TSBP1: variants seen among roughly 807,000 people sequenced by gnomAD.
TSBP1 encodes testis expressed basic protein 1.
In TSBP1, 56 loss-of-function variants were observed where a neutral mutation model predicts 68.8. The ratio of observed to expected loss-of-function variants is 0.81; its 90% CI spans 0.66 to 1.02. The LOEUF is 1.02. Ranked by LOEUF, TSBP1 falls within the 50% of genes least tolerant of loss-of-function variation. The pLI is 0.00. For missense variants in TSBP1, 502 were observed against 641.2 expected (o/e 0.78, Z 2.34); for synonymous variants, 171 against 208.7 (o/e 0.82, Z 1.56).
At chr6:32,327,097 T>A (rs1768306478) in intron 16 of TSBP1, among the ~76,000 whole-genome samples, 1 of 152,232 alleles carries the variant, frequency 6.6e-6, no homozygotes. Context: ...CTCTCTATTT[T>A]GGGTTTGGTA....
At chr6:32,368,841 T>G (rs756588512) in intron 2 of TSBP1, 27 bp from the exon 3 acceptor site, 2 of 1,584,234 alleles carry the variant, frequency 1.3e-6, no homozygotes, top group Admixed American at 3.4e-5. Flanking sequence ...CAAAATGTTT[T>G]TATTAGTTAC....
rs765869085 is a variant in TSBP1, at chr6:32,293,968, T to C, written c.705A>G (p.Lys235=). Residue 235 remains lysine (K), a synonymous_variant, in exon 23 of 23, where the codon AAA becomes AAG. Transcript: ENST00000612031. ...TCTGAGACCTTGCAGTGCCTCCACATTTTAGAATCTGGATTTTGGAACAAG... is the reference window on the plus strand; with the variant it reads ...TCTGAGACCTTGCAGTGCCTCCACACTTTAGAATCTGGATTTTGGAACAAG... 6.2e-6 allele frequency: 10 copies of C among 1,612,576 alleles called. No homozygotes were observed. The South Asian group carries it at 1.1e-4, about 18-fold the overall frequency.
chr6:32,325,976 T>C lies in TSBP1; in HGVS notation c.515-2362A>G, dbSNP rs1768174748. 3 of 1,553,020 alleles carry C rather than the reference T, an allele frequency of 1.9e-6. No homozygotes were observed. The highest frequency in any genetic ancestry group is 1.1e-5 in the South Asian group (1 of 89,972). On this transcript the variant is annotated intron_variant, in intron 16 of 22. Coordinates refer to ENST00000612031, the Ensembl canonical transcript of TSBP1. The surrounding 1 kb of genome is among the most constrained non-coding windows in gnomAD (Gnocchi z 4.4). Reference sequence around the variant, plus strand: ...GGATTTGGTAATGATGGGAGCAATTTTGGAGGTGGTGGAAGCTACAATGAT... The same window carrying C: ...GGATTTGGTAATGATGGGAGCAATTCTGGAGGTGGTGGAAGCTACAATGAT...
At chr6:32,324,080 A>T (rs1767941132) in intron 16 of TSBP1, among the ~76,000 whole-genome samples, 1 of 152,178 alleles carries the variant, frequency 6.6e-6, no homozygotes, top group Non-Finnish European at 1.5e-5. Flanking sequence ...TTTTAATAAA[A>T]TAGTAAGTTT....
rs1766982514 is a variant in TSBP1, at chr6:32,316,603, T to C, written c.560-811A>G. 1.3e-5 allele frequency among the ~76,000 whole-genome samples: 2 copies of C among 152,194 alleles called. No individual in the cohort carries two copies. The highest frequency in any genetic ancestry group is 4.1e-4 in the South Asian group (2 of 4,836). On this transcript the variant is annotated intron_variant, in intron 18 of 22. Transcript: ENST00000612031. The surrounding 1 kb of genome is among the most constrained non-coding windows in gnomAD (Gnocchi z 4.5). ...AGTATTTGGGTCAGTTTCTTATCTC[T>C]TACAAAGGGGTTAGTGGAGTGATTC...
At chr6:32,301,131 C>T (rs1173635713) in intron 20 of TSBP1, among the ~76,000 whole-genome samples, 2 of 152,074 alleles carry the variant, frequency 1.3e-5, no homozygotes, top group East Asian at 1.9e-4. Context: ...GGGGTTCAAG[C>T]GATCCTCCAG....
intron 20 of TSBP1, among the ~76,000 whole-genome samples, chr6:32,301,707 T>C (rs568546760): frequency 0.077 from 6,822 of 88,478 alleles, 350 homozygotes; most frequent in African/African-American, 0.18. Flanking sequence ...GAAACGCTGT[T>C]TTAAAAAAAA....
rs867919455 is a variant in TSBP1, at chr6:32,326,132, G to A, written c.515-2518C>T. 72 of 1,402,348 alleles carry A rather than the reference G, an allele frequency of 5.1e-5. 1 individual carries two copies. In the African/African-American group the frequency reaches 9.4e-4, roughly 18 times the overall value. The allele number at this position is 1,402,348 out of a possible 1,614,324, so 86.9% of individuals were successfully genotyped here. ...AAACCATGAAACCAAAGTGGCTATT[G>A]TGGTTCCAGTAGCAGCAGTAGCTAT... On this transcript the variant is annotated intron_variant, in intron 16 of 22. Coordinates refer to ENST00000612031, the Ensembl canonical transcript of TSBP1.
At chr6:32,294,245 T>A in intron 22 of TSBP1, 1 of 651,478 alleles carries the variant, frequency 1.5e-6, no homozygotes, top group South Asian at 1.8e-5. Flanking sequence ...ATTTGGAAGA[T>A]TAATGAGAGA....
At chr6:32,299,246 G>A (rs888280957) in intron 22 of TSBP1, among the ~76,000 whole-genome samples, 1 of 152,168 alleles carries the variant, frequency 6.6e-6, no homozygotes, top group East Asian at 1.9e-4. Context: ...ATACCTACCA[G>A]GCAGGCATAT....
At chr6:32,371,868 T>G in exon 1 of TSBP1, 1 of 739,640 alleles carries the variant, frequency 1.4e-6, no homozygotes, top group Non-Finnish European at 2.4e-6. Flanking sequence ...ACTGAGAAAT[T>G]GTGTGGAGCA....
In TSBP1 at chr6:32,292,884, T is replaced by A. The variant is rs1194350638; in HGVS notation, c.*97A>T. The A allele has an allele frequency of 1.4e-6, 1 of 739,206 alleles. No individual in the cohort carries two copies. Among genetic ancestry groups the A allele is most frequent in the Non-Finnish European group, 2.3e-6 (1 of 442,366 alleles). 45.8% of individuals were successfully genotyped at this position (739,206 alleles called of 1,614,324 possible). ...TATGAAGATGAAAGGGATTTTATAA[T>A]TGTAATCTGTTTAGGCAATGGCTGG... On this transcript the variant is annotated 3_prime_UTR_variant, in exon 23 of 23. Coordinates refer to ENST00000612031, the Ensembl canonical transcript of TSBP1. The surrounding 1 kb of genome is among the most constrained non-coding windows in gnomAD (Gnocchi z 4.1).
chr6:32,312,567 A>G (rs9268206), intron 19 of TSBP1, among the ~76,000 whole-genome samples: 38,012 of 152,062 alleles, frequency 0.25, 5,121 homozygotes, highest in African/African-American at 0.33. Flanking sequence ...CAGATTATTT[A>G]ATTAATTAGT....
At chr6:32,309,220 G>C (rs1766118389) in intron 19 of TSBP1, among the ~76,000 whole-genome samples, 1 of 151,870 alleles carries the variant, frequency 6.6e-6, no homozygotes, top group Admixed American at 6.5e-5. Flanking sequence ...AAAGTGCAGG[G>C]CTTATAGGTG....
intron 1 of TSBP1, 92 bp from the exon 2 acceptor site, chr6:32,370,075 G>A (rs932571980): frequency 3.1e-5 from 22 of 719,560 alleles, no homozygotes; most frequent in Admixed American, 7.2e-5. Context: ...CCACCAGATA[G>A]ACTTTTTTTC....
At chr6:32,295,684 G>GACGGGACA (rs1764631114) in intron 22 of TSBP1, among the ~76,000 whole-genome samples, 1 of 152,038 alleles carries the variant, frequency 6.6e-6, no homozygotes, top group Non-Finnish European at 1.5e-5. Context: ...AAAGCACTTG[G>GACGGGACA]TACAGTGCAT....
intron 8 of TSBP1, chr6:32,350,166 G>A: frequency 2.0e-6 from 1 of 490,702 alleles, no homozygotes. Flanking sequence ...TTTTCCCTTT[G>A]TTCGAAAAGA....
chr6:32,348,520 G>A (rs1402742561), intron 9 of TSBP1, among the ~76,000 whole-genome samples: 1 of 133,562 alleles, frequency 7.5e-6, no homozygotes, highest in Non-Finnish European at 1.7e-5. Context: ...TTTAAAAATT[G>A]AAGTAATATA....
At chr6:32,358,728 T>C (rs1434290287) in intron 6 of TSBP1, among the ~76,000 whole-genome samples, 1 of 152,068 alleles carries the variant, frequency 6.6e-6, no homozygotes, top group Non-Finnish European at 1.5e-5. Flanking sequence ...TCCATGTTCC[T>C]ACAAAGGACA....
Sources: allele counts gnomAD v4.1 joint callset (sites outside exome capture counted in the v4.1 genomes callset), GRCh38; gene constraint gnomAD v4.1.1; non-coding constraint Gnocchi (gnomAD v3.1); transcripts MANE v1.5; gene names NCBI Gene and HGNC (gene_info 2026-07-23, HGNC 2026-07-21).